The following SMYD3 variants were observed in gnomAD, a reference collection of about 807,000 sequenced individuals.
The protein encoded by SMYD3 is SET and MYND domain containing 3.
Under a neutral mutation model 57.7 loss-of-function variants are expected in SMYD3, and 36 were observed. That is an observed-to-expected ratio of 0.62 (90% CI 0.48 to 0.82). The LOEUF (loss-of-function observed/expected upper bound fraction) is 0.82, where lower values mean the gene tolerates loss of function less well. SMYD3 is among the 40% of genes least tolerant of loss of function. The pLI is 0.00. For synonymous variants in SMYD3, 211 were observed against 195.0 expected (o/e 1.08, Z -0.68); for missense variants, 515 against 538.8 (o/e 0.96, Z 0.44).
At chr1:246,418,271 T>C (rs1003064938) in intron 1 of SMYD3, among the ~76,000 whole-genome samples, 5 of 152,234 alleles carry the variant, frequency 3.3e-5, no homozygotes, top group Admixed American at 6.5e-5. Context: ...GTTCCACTTA[T>C]AAGAAACATG....
chr1:246,158,605 T>C (rs2062062587), intron 5 of SMYD3, among the ~76,000 whole-genome samples: 4 of 152,214 alleles, frequency 2.6e-5, no homozygotes, highest in Non-Finnish European at 5.9e-5. Context: ...TATGAAAAGG[T>C]AGAAGGTGCT....
chr1:246,217,388 G>A (rs1339879325), intron 5 of SMYD3, among the ~76,000 whole-genome samples: 2 of 152,032 alleles, frequency 1.3e-5, no homozygotes, highest in African/African-American at 4.8e-5. Context: ...GTGTGCCTAT[G>A]GTCCCAGCTA....
At chr1:246,048,163 A>G (rs551762955) in intron 5 of SMYD3, among the ~76,000 whole-genome samples, 1 of 152,346 alleles carries the variant, frequency 6.6e-6, no homozygotes, top group South Asian at 2.1e-4. Context: ...CAGTATATAA[A>G]ATGGTCTTCA....
At chr1:246,443,604 C>T (rs1307147468) in intron 1 of SMYD3, among the ~76,000 whole-genome samples, 1 of 152,176 alleles carries the variant, frequency 6.6e-6, no homozygotes, top group Non-Finnish European at 1.5e-5. Context: ...GAGGGTTGGG[C>T]TGGTGTAGTG....
At chr1:246,107,535 A>C (rs2061152964) in intron 5 of SMYD3, among the ~76,000 whole-genome samples, 1 of 135,144 alleles carries the variant, frequency 7.4e-6, no homozygotes. Flanking sequence ...AATGGATAGA[A>C]TAAGTCCTTG....
At chr1:245,931,288 T>C (rs1054788263) in intron 5 of SMYD3, among the ~76,000 whole-genome samples, 3 of 152,110 alleles carry the variant, frequency 2.0e-5, no homozygotes, top group Admixed American at 1.3e-4. Context: ...ATAGCCCAGG[T>C]GATAGACAAT....
chr1:246,023,542 A>G (rs899548848), intron 5 of SMYD3, among the ~76,000 whole-genome samples: 5 of 141,970 alleles, frequency 3.5e-5, no homozygotes, highest in African/African-American at 1.2e-4. Flanking sequence ...ATTGTCAAGG[A>G]AAAAAAAAGG....
intron 11 of SMYD3, among the ~76,000 whole-genome samples, chr1:245,758,500 C>G (rs758204946): frequency 6.6e-6 from 1 of 152,052 alleles, no homozygotes; most frequent in Non-Finnish European, 1.5e-5. Flanking sequence ...TTCAATTTTA[C>G]TTTTTCTTCA....
chr1:246,402,994 T>C (rs2066796842), intron 1 of SMYD3, among the ~76,000 whole-genome samples: 1 of 152,192 alleles, frequency 6.6e-6, no homozygotes, highest in Admixed American at 6.5e-5. Context: ...GCTCACTCAT[T>C]TGCTAGGCTG....
chr1:245,972,561 C>T (rs1397596822), intron 5 of SMYD3, among the ~76,000 whole-genome samples: 1 of 152,236 alleles, frequency 6.6e-6, no homozygotes, highest in Non-Finnish European at 1.5e-5. Context: ...TCACCAACAT[C>T]TGTTCTCCCT....
At chr1:246,362,439 C>T (rs1318096580) in intron 1 of SMYD3, among the ~76,000 whole-genome samples, 2 of 2,658 alleles carry the variant, frequency 7.5e-4, no homozygotes, top group Admixed American at 8.8e-3. Flanking sequence ...CCCTTTCCCA[C>T]GGTCTCCCTC....
At chr1:246,017,988 A>T (rs2059405459) in intron 5 of SMYD3, among the ~76,000 whole-genome samples, 1 of 152,170 alleles carries the variant, frequency 6.6e-6, no homozygotes, top group Non-Finnish European at 1.5e-5. Context: ...TCCCAGGCTC[A>T]TCTTCTACTT....
intron 2 of SMYD3, among the ~76,000 whole-genome samples, chr1:246,349,309 A>T (rs899631920): frequency 6.6e-6 from 1 of 152,256 alleles, no homozygotes; most frequent in Non-Finnish European, 1.5e-5. Context: ...AAATGACATA[A>T]GAGAGGGAGC....
At chr1:246,054,913 C>T (rs1365916533) in intron 5 of SMYD3, among the ~76,000 whole-genome samples, 1 of 146,352 alleles carries the variant, frequency 6.8e-6, no homozygotes, top group Non-Finnish European at 1.5e-5. Context: ...CGGCGGCTCA[C>T]GCCTGTAATC....
chr1:246,326,686 T>G, intron 5 of SMYD3: 1 of 306,368 alleles, frequency 3.3e-6, no homozygotes, highest in Non-Finnish European at 5.9e-6. Flanking sequence ...CTCGCTTGAT[T>G]CTGGGAGGCG....
intron 10 of SMYD3, among the ~76,000 whole-genome samples, chr1:245,785,573 C>T (rs2047001265): frequency 6.6e-6 from 1 of 152,142 alleles, no homozygotes; most frequent in Non-Finnish European, 1.5e-5. Context: ...ATCCCTTTGC[C>T]CAACCCCTCC....
At chr1:246,220,984 G>C (rs1322178977) in intron 5 of SMYD3, among the ~76,000 whole-genome samples, 2 of 151,722 alleles carry the variant, frequency 1.3e-5, no homozygotes, top group Non-Finnish European at 2.9e-5. Context: ...TCTGCTGAGA[G>C]AACAGACAGA....
intron 7 of SMYD3, among the ~76,000 whole-genome samples, chr1:245,926,258 C>A (rs1315956868): frequency 6.6e-6 from 1 of 152,176 alleles, no homozygotes; most frequent in Non-Finnish European, 1.5e-5. Context: ...ATGTTTAAAT[C>A]ATAACAAACA....
chr1:246,266,104 G>A (rs1200683144), intron 5 of SMYD3, among the ~76,000 whole-genome samples: 1 of 152,112 alleles, frequency 6.6e-6, no homozygotes, highest in African/African-American at 2.4e-5. Context: ...GATTTTAAAA[G>A]GGAACCCCAC....
Sources: gnomAD v4.1 joint callset for allele counts (sites outside exome capture counted in the v4.1 genomes callset) on GRCh38, gnomAD v4.1.1 for gene constraint, MANE v1.5 for transcripts, NCBI Gene and HGNC (gene_info 2026-07-23, HGNC 2026-07-21) for gene names.